The following CHRDL2 variants were observed in gnomAD, a reference collection of about 807,000 sequenced individuals.
CHRDL2 encodes chordin-like protein 2.
CHRDL2 carries 41 observed loss-of-function variants against 54.3 expected under a neutral mutation model. The observed-to-expected ratio is 0.76, with a 90% CI of 0.59 to 0.98. CHRDL2 has a LOEUF of 0.98. Among genes scored for constraint, CHRDL2 ranks in the 50% least tolerant of loss-of-function variants. CHRDL2 has a pLI of 0.00. For missense variants in CHRDL2, 518 were observed against 562.4 expected (o/e 0.92, Z 0.80); for synonymous variants, 220 against 224.3 (o/e 0.98, Z 0.17).
chr11:74,710,002 G>T (rs2034133567), intron 4 of CHRDL2, among the ~76,000 whole-genome samples: 2 of 152,230 alleles, frequency 1.3e-5, no homozygotes, highest in Middle Eastern at 3.4e-3. Context: ...AGATCACGAG[G>T]TCAGGAGATC....
chr11:74,728,996 G>C (rs1173877643), intron 1 of CHRDL2, among the ~76,000 whole-genome samples: 1 of 152,208 alleles, frequency 6.6e-6, no homozygotes, highest in Non-Finnish European at 1.5e-5. Flanking sequence ...ACAGACGAGG[G>C]AGATCAGAGT....
At chr11:74,729,675 G>C (rs917314013) in intron 1 of CHRDL2, among the ~76,000 whole-genome samples, 1 of 152,198 alleles carries the variant, frequency 6.6e-6, no homozygotes, top group Non-Finnish European at 1.5e-5. Flanking sequence ...GCTGAGCTGG[G>C]GAGAGGAAAG....
intron 1 of CHRDL2, among the ~76,000 whole-genome samples, chr11:74,725,311 C>T (rs7945698): frequency 0.026 from 3,961 of 152,280 alleles, 62 homozygotes; most frequent in Non-Finnish European, 0.042. Flanking sequence ...CTTTCTTTAA[C>T]AAAAGGAGTA....
chr11:74,717,136 G>C (rs57602460), intron 2 of CHRDL2, among the ~76,000 whole-genome samples: 1 of 151,910 alleles, frequency 6.6e-6, no homozygotes, highest in Admixed American at 6.6e-5. Context: ...TCTCACTGCC[G>C]CGTGGAGGAT....
At position 74,731,197 on chromosome 11, in the gene CHRDL2, G is replaced by C; in HGVS notation, c.-309C>G. ...AGGGGGAAGGTGAGAGGGAGAGGAG[G>C]AGAAAGCAGGGAGAGGACCGGCGTC... On this transcript the variant is annotated 5_prime_UTR_variant, in exon 1 of 11. Transcript: ENST00000376332. The surrounding 1 kb of genome is among the most constrained non-coding windows in gnomAD (Gnocchi z 4.4). 3.5e-5 allele frequency: 10 copies of C among 283,544 alleles called. No individual in the cohort carries two copies. The highest frequency in any genetic ancestry group is 4.0e-5 in the Non-Finnish European group (6 of 150,760). The allele number at this position is 283,544 out of a possible 1,614,324, so 17.6% of individuals were successfully genotyped here. A position where few individuals can be genotyped will look rare whatever the true frequency, so the allele number is the denominator to read the frequency against.
chr11:74,697,302 G>A lies in CHRDL2; in HGVS notation c.1121-5C>T, dbSNP rs1411557967. On this transcript the variant is annotated splice_region_variant and splice_polypyrimidine_tract_variant and intron_variant, in intron 9 of 10. Coordinates refer to ENST00000376332, the MANE Select transcript of CHRDL2 (RefSeq NM_001278473.3). Reference sequence around the variant, plus strand: ...TCTGAGTCAAGTGGAAGATTCCTGAGGGCAGAGACAAGGATGTGAGCAGGC... The same window carrying A: ...TCTGAGTCAAGTGGAAGATTCCTGAAGGCAGAGACAAGGATGTGAGCAGGC... The A allele has an allele frequency of 1.9e-6, 3 of 1,612,210 alleles. No individual in the cohort carries two copies. The East Asian group carries it at 6.7e-5, about 36-fold the overall frequency.
At chr11:74,724,327 T>G (rs1264979390) in intron 1 of CHRDL2, among the ~76,000 whole-genome samples, 2 of 152,258 alleles carry the variant, frequency 1.3e-5, no homozygotes, top group African/African-American at 2.4e-5. Flanking sequence ...CCACAGGAAG[T>G]GTCCACTTGG....
intron 9 of CHRDL2, 51 bp downstream of exon 9, chr11:74,702,743 G>A: frequency 1.2e-6 from 2 of 1,601,326 alleles, no homozygotes; most frequent in Non-Finnish European, 8.6e-7. Flanking sequence ...TGGGGCACGG[G>A]AAGGGGGACT....
chr11:74,716,352 T>C (rs1049103641), intron 2 of CHRDL2, among the ~76,000 whole-genome samples: 2 of 151,886 alleles, frequency 1.3e-5, no homozygotes, highest in Non-Finnish European at 2.9e-5. Context: ...CTGGCCAACA[T>C]GGTGAAACCC....
At chr11:74,724,396 T>C (rs929745733) in intron 1 of CHRDL2, among the ~76,000 whole-genome samples, 15 of 152,264 alleles carry the variant, frequency 9.9e-5, no homozygotes, top group African/African-American at 3.4e-4. Flanking sequence ...CTGGACTTAG[T>C]TGATCTAATC....
chr11:74,715,926 C>T (rs559349242), intron 2 of CHRDL2, among the ~76,000 whole-genome samples: 9 of 151,988 alleles, frequency 5.9e-5, no homozygotes, highest in African/African-American at 1.4e-4. Flanking sequence ...TGCAGTGAGC[C>T]GAGATCGTGC....
At chr11:74,726,515 G>A (rs937158779) in intron 1 of CHRDL2, among the ~76,000 whole-genome samples, 1 of 152,192 alleles carries the variant, frequency 6.6e-6, no homozygotes, top group Non-Finnish European at 1.5e-5. Flanking sequence ...GACAGAGGAA[G>A]GGGGACGCCT....
chr11:74,712,560 C>T (rs558856514), intron 3 of CHRDL2, among the ~76,000 whole-genome samples: 3 of 152,274 alleles, frequency 2.0e-5, no homozygotes, highest in African/African-American at 7.2e-5. Context: ...CTCTATGACC[C>T]ATGTAGGGGC....
At chr11:74,696,836 CT>C in intron 10 of CHRDL2, among the ~76,000 whole-genome samples, 1 of 152,156 alleles carries the variant, frequency 6.6e-6, no homozygotes. Context: ...CCTCTGTGAC[CT>C]CCCCTCCCCG....
rs2034643921 is a variant in CHRDL2 at position 74,730,934 on chromosome 11, G to T, written c.-46C>A. 6 of 1,512,070 alleles carry T rather than the reference G, an allele frequency of 4.0e-6. No homozygotes were observed. In the South Asian group the frequency reaches 4.9e-5, roughly 12 times the overall value. The allele number at this position is 1,512,070 out of a possible 1,614,324, so 93.7% of individuals were successfully genotyped here. ...GCTGGTCCGGGAGCGGAGTCGGGAG[G>T]AAGGGAGACGAAAAGGACACGGAGG... On this transcript the variant is annotated 5_prime_UTR_variant, in exon 1 of 11. Coordinates refer to ENST00000376332, the MANE Select transcript of CHRDL2 (RefSeq NM_001278473.3).
Position 74,700,645 on chromosome 11 carries a change from T to TATTA in CHRDL2, c.1120+2148_1120+2149insTAAT, listed in dbSNP as rs59429316. Among the ~76,000 whole-genome samples the TATTA allele has an allele frequency of 4.8e-3, 667 of 138,158 alleles. 8 individuals carry two copies. Among genetic ancestry groups the TATTA allele is most frequent in the South Asian group, 0.018 (80 of 4,408 alleles). The allele number at this position is 138,158 out of a possible 152,430, so 90.6% of individuals were successfully genotyped here. ...TTTTTATTATTATTATTATTATTAT[T>TATTA]TTTTTTTTTTTGAGACGGAGTCTCA... On this transcript the variant is annotated intron_variant, in intron 9 of 10. Coordinates refer to ENST00000376332, the MANE Select transcript of CHRDL2 (RefSeq NM_001278473.3).
chr11:74,716,449 C>T (rs573596691), intron 2 of CHRDL2, among the ~76,000 whole-genome samples: 3 of 148,974 alleles, frequency 2.0e-5, no homozygotes, highest in South Asian at 2.2e-4. Context: ...GCAGGAGCAT[C>T]GCTTGAACCT....
intron 1 of CHRDL2, among the ~76,000 whole-genome samples, chr11:74,721,624 A>T (rs986572367): frequency 1.3e-5 from 2 of 152,266 alleles, no homozygotes; most frequent in African/African-American, 4.8e-5. Flanking sequence ...ACCAAGCAGG[A>T]GGAAGAACTG....
intron 10 of CHRDL2, among the ~76,000 whole-genome samples, chr11:74,696,989 T>C (rs77746998): frequency 1.5e-3 from 222 of 152,232 alleles, no homozygotes; most frequent in African/African-American, 5.2e-3. Context: ...CCCTCCACCC[T>C]CAGAACCAAA....
Sources: allele counts gnomAD v4.1 joint callset (sites outside exome capture counted in the v4.1 genomes callset), GRCh38; gene constraint gnomAD v4.1.1; non-coding constraint Gnocchi (gnomAD v3.1); transcripts MANE v1.5; gene names NCBI Gene and HGNC (gene_info 2026-07-23, HGNC 2026-07-21).